TRAPPC9: variants seen among roughly 807,000 people sequenced by gnomAD.
TRAPPC9 encodes trafficking protein particle complex subunit 9.
In TRAPPC9, 83 loss-of-function variants were observed where a neutral mutation model predicts 124.0. The ratio of observed to expected loss-of-function variants is 0.67; its 90% confidence interval spans 0.56 to 0.80. TRAPPC9 has a LOEUF of 0.80. Ranked by LOEUF, TRAPPC9 falls within the 30% of genes least tolerant of loss-of-function variation. TRAPPC9 has a pLI of 0.00. For missense variants in TRAPPC9, 1,302 were observed against 1,508.3 expected (o/e 0.86, Z 2.27); for synonymous variants, 638 against 617.5 (o/e 1.03, Z -0.49).
At chr8:140,284,747 G>A (rs910610946) in intron 13 of TRAPPC9, among the ~76,000 whole-genome samples, 1 of 152,162 alleles carries the variant, frequency 6.6e-6, no homozygotes, top group Non-Finnish European at 1.5e-5. Context: ...CATACTAAAA[G>A]GAGAGGCAGG....
chr8:139,876,462 G>GTC (rs1244340571), intron 21 of TRAPPC9, among the ~76,000 whole-genome samples: 2 of 152,236 alleles, frequency 1.3e-5, no homozygotes, highest in African/African-American at 4.8e-5. Flanking sequence ...GCTCTAGTCT[G>GTC]TCTCTCGCCT....
chr8:139,981,050 C>T (rs1836859307), intron 19 of TRAPPC9, among the ~76,000 whole-genome samples: 1 of 152,236 alleles, frequency 6.6e-6, no homozygotes, highest in Non-Finnish European at 1.5e-5. Flanking sequence ...CAAACCACTG[C>T]ATCTTCCCCA....
chr8:139,758,585 C>T (rs1174607267), intron 21 of TRAPPC9, among the ~76,000 whole-genome samples: 4 of 152,084 alleles, frequency 2.6e-5, no homozygotes, highest in East Asian at 1.9e-4. Context: ...GGAAGCACCT[C>T]GTGGGTTCAG....
At chr8:139,897,528 G>A (rs1314576161) in intron 20 of TRAPPC9, among the ~76,000 whole-genome samples, 3 of 152,226 alleles carry the variant, frequency 2.0e-5, no homozygotes, top group East Asian at 1.9e-4. Context: ...CCCAGTCACC[G>A]CCACATGGTA....
chr8:139,964,733 T>C (rs1381738273), intron 19 of TRAPPC9, among the ~76,000 whole-genome samples: 1 of 152,196 alleles, frequency 6.6e-6, no homozygotes, highest in Non-Finnish European at 1.5e-5. Context: ...GTAGGAAGCA[T>C]GGCAACACTG....
chr8:139,746,219 G>A (rs1259658126), intron 21 of TRAPPC9, among the ~76,000 whole-genome samples: 6 of 152,174 alleles, frequency 3.9e-5, no homozygotes, highest in African/African-American at 1.4e-4. Context: ...TGGAATACTC[G>A]ACCTCGAGAA....
chr8:140,291,023 T>G lies in TRAPPC9; in HGVS notation c.1824A>C (p.Pro608=). ...TTTCAACTCGAAGTTCAAACGGCAT[T>G]GGGTTATATACCATCAGCTGAACTT... The part of the protein sequence containing the change: ...VCEVQLMVYN[P]MPFELRVENM... Residue 608 remains proline, a synonymous_variant, in exon 12 of 23, where the codon CCA becomes CCC. Coordinates refer to ENST00000438773, the MANE Select transcript of TRAPPC9 (RefSeq NM_001160372.4). 6.2e-7 allele frequency: 1 copy of G among 1,614,254 alleles called. No individual in the cohort carries two copies. The highest frequency in any genetic ancestry group is 8.5e-7 in the Non-Finnish European group (1 of 1,180,050).
chr8:139,855,118 C>T (rs1025214541), intron 21 of TRAPPC9, among the ~76,000 whole-genome samples: 6 of 152,198 alleles, frequency 3.9e-5, no homozygotes, highest in Non-Finnish European at 5.9e-5. Flanking sequence ...GGAAGCCAAT[C>T]GGGCCTACCT....
At chr8:140,271,746 T>C (rs1426803061) in intron 15 of TRAPPC9, among the ~76,000 whole-genome samples, 5 of 152,164 alleles carry the variant, frequency 3.3e-5, no homozygotes, top group Non-Finnish European at 7.4e-5. Flanking sequence ...ATAACATGAG[T>C]GCAAACACCA....
intron 19 of TRAPPC9, among the ~76,000 whole-genome samples, chr8:139,912,188 T>C (rs1831783105): frequency 6.6e-6 from 1 of 152,254 alleles, no homozygotes; most frequent in Non-Finnish European, 1.5e-5. Context: ...TCCCTAAGTA[T>C]TTGTATTTAA....
At chr8:140,366,469 G>A (rs978495841) in intron 8 of TRAPPC9, among the ~76,000 whole-genome samples, 6 of 152,122 alleles carry the variant, frequency 3.9e-5, no homozygotes, top group Non-Finnish European at 7.3e-5. Flanking sequence ...GGCAATCAAT[G>A]GAGCAGAGAC....
chr8:139,815,914 A>G (rs1268296434), intron 21 of TRAPPC9, among the ~76,000 whole-genome samples: 2 of 152,220 alleles, frequency 1.3e-5, no homozygotes, highest in Non-Finnish European at 2.9e-5. Context: ...AGTCACCTTG[A>G]GACCTGACGT....
At chr8:140,341,660 C>T (rs1682971076) in intron 9 of TRAPPC9, among the ~76,000 whole-genome samples, 1 of 147,756 alleles carries the variant, frequency 6.8e-6, no homozygotes, top group African/African-American at 2.5e-5. Context: ...ATGTGATAAG[C>T]ATTGTTATAT....
chr8:139,954,408 T>C (rs901291080), intron 19 of TRAPPC9, among the ~76,000 whole-genome samples: 1 of 152,142 alleles, frequency 6.6e-6, no homozygotes, highest in African/African-American at 2.4e-5. Context: ...AGGAGGTAAC[T>C]ATGGTTACGT....
At chr8:140,434,001 G>C (rs1453005517) in intron 4 of TRAPPC9, among the ~76,000 whole-genome samples, 1 of 152,166 alleles carries the variant, frequency 6.6e-6, no homozygotes, top group African/African-American at 2.4e-5. Flanking sequence ...CTTTTCATTT[G>C]CATAGAAGCA....
intron 21 of TRAPPC9, among the ~76,000 whole-genome samples, chr8:139,764,107 G>A (rs1272007068): frequency 6.6e-6 from 1 of 152,170 alleles, no homozygotes; most frequent in Non-Finnish European, 1.5e-5. Flanking sequence ...TGGCAAGTAC[G>A]GTGAGGGCAC....
chr8:139,964,854 C>T (rs1835596212), intron 19 of TRAPPC9, among the ~76,000 whole-genome samples: 1 of 152,228 alleles, frequency 6.6e-6, no homozygotes, highest in Admixed American at 6.5e-5. Context: ...CCCAGTGCTG[C>T]TCATACATGC....
At chr8:140,049,964 A>T (rs1009203344) in intron 17 of TRAPPC9, among the ~76,000 whole-genome samples, 3 of 152,234 alleles carry the variant, frequency 2.0e-5, no homozygotes, top group Non-Finnish European at 4.4e-5. Context: ...TGTTGCCTAC[A>T]CGCCAAATGA....
chr8:140,315,233 CTTTTT>C (rs61220260), intron 9 of TRAPPC9, among the ~76,000 whole-genome samples: 1 of 107,178 alleles, frequency 9.3e-6, no homozygotes, highest in African/African-American at 3.5e-5. Context: ...ATTTGTATGT[CTTTTT>C]TTTTTTTTTT....
Sources: gnomAD v4.1 joint callset for allele counts (sites outside exome capture counted in the v4.1 genomes callset) on GRCh38, gnomAD v4.1.1 for gene constraint, MANE v1.5 for transcripts, NCBI Gene and HGNC (gene_info 2026-07-23, HGNC 2026-07-21) for gene names.